ZSCAN1: variants seen among roughly 807,000 people sequenced by gnomAD.
ZSCAN1 encodes the protein zinc finger and SCAN domain-containing protein 1.
ZSCAN1 carries 23 observed loss-of-function variants against 23.8 expected under a neutral mutation model. That is an observed-to-expected ratio of 0.97 (90% CI 0.70 to 1.37). The LOEUF (loss-of-function observed/expected upper bound fraction) is 1.37. ZSCAN1 is among the 40% of genes most tolerant of loss of function. ZSCAN1 has a pLI of 0.00. For missense variants in ZSCAN1, 575 were observed against 554.0 expected (o/e 1.04, Z -0.38); for synonymous variants, 236 against 232.3 (o/e 1.02, Z -0.15).
chr19:58,044,515 A>C, intron 4 of ZSCAN1: 29 of 426,580 alleles, frequency 6.8e-5, no homozygotes, highest in African/African-American at 8.7e-5. Flanking sequence ...CGAGACGGCG[A>C]AGAGCCGCGG....
At chr19:58,036,515 CTTTTTTTTT>C (rs66483587) in intron 2 of ZSCAN1, among the ~76,000 whole-genome samples, 1 of 93,438 alleles carries the variant, frequency 1.1e-5, no homozygotes, top group East Asian at 2.4e-4. Context: ...TTTTTCTTTT[CTTTTTTTTT>C]TTTTTTTTTG....
intron 4 of ZSCAN1, among the ~76,000 whole-genome samples, chr19:58,042,359 G>T (rs1036776700): frequency 6.6e-6 from 1 of 151,586 alleles, no homozygotes; most frequent in African/African-American, 2.4e-5. Context: ...CCGGGTTCAC[G>T]CCATTCTCCT....
At position 58,040,064 on chromosome 19, in the gene ZSCAN1, G is replaced by A. The variant is rs1052342349; in HGVS notation, c.371-386G>A. Among the ~76,000 whole-genome samples, 1 of 152,144 alleles carries A rather than the reference G, an allele frequency of 6.6e-6. No individual in the cohort carries two copies. Among genetic ancestry groups the A allele is most frequent in the African/African-American group, 2.4e-5 (1 of 41,418 alleles). Reference sequence around the variant, plus strand: ...CCCACGTCTTGACCCTTCTGTCAATGGTGTCCTGAACCCTGCTTCAGCAGT... The same window carrying A: ...CCCACGTCTTGACCCTTCTGTCAATAGTGTCCTGAACCCTGCTTCAGCAGT... On this transcript the variant is annotated intron_variant, in intron 3 of 5. Transcript: ENST00000282326. This position sits in a 1 kb window ranked among gnomAD's most constrained non-coding sequence, Gnocchi z 5.8.
intron 4 of ZSCAN1, among the ~76,000 whole-genome samples, chr19:58,050,246 C>G (rs566431570): frequency 6.6e-6 from 1 of 151,962 alleles, no homozygotes; most frequent in African/African-American, 2.4e-5. Context: ...ACCAGGCTGG[C>G]CAGCATGGTG....
At chr19:58,034,729 A>G in intron 1 of ZSCAN1, among the ~76,000 whole-genome samples, 1 of 69,410 alleles carries the variant, frequency 1.4e-5, no homozygotes, top group Non-Finnish European at 2.7e-5. Context: ...GCCGCCCCCG[A>G]CCCATCCCCC....
At chr19:58,048,766 T>G (rs1017450446) in intron 4 of ZSCAN1, among the ~76,000 whole-genome samples, 2 of 152,142 alleles carry the variant, frequency 1.3e-5, no homozygotes, top group Non-Finnish European at 2.9e-5. Flanking sequence ...CCTTTTTACC[T>G]TTTTTTGAGA....
intron 4 of ZSCAN1, among the ~76,000 whole-genome samples, chr19:58,042,233 G>A (rs1173946575): frequency 6.6e-6 from 1 of 151,620 alleles, no homozygotes; most frequent in African/African-American, 2.4e-5. Flanking sequence ...AGATGGGGAG[G>A]AAAGTCTTTG....
chr19:58,040,600 T>C lies in ZSCAN1; in HGVS notation c.465+56T>C. 1 of 1,562,298 alleles carries C rather than the reference T, an allele frequency of 6.4e-7. No individual in the cohort carries two copies. Among genetic ancestry groups the C allele is most frequent in the Non-Finnish European group, 8.8e-7 (1 of 1,135,604 alleles). On this transcript the variant is annotated intron_variant, in intron 4 of 5. Transcript: ENST00000282326. The surrounding 1 kb of genome is among the most constrained non-coding windows in gnomAD (Gnocchi z 5.8). Reference sequence around the variant, plus strand: ...TGCACCCCAGGGCATGCGTGCCGCTTCTGGGACGGCCTCAAGGATGCCCCA... The same window carrying C: ...TGCACCCCAGGGCATGCGTGCCGCTCCTGGGACGGCCTCAAGGATGCCCCA...
chr19:58,035,031 G>A (rs1038006109), intron 1 of ZSCAN1, among the ~76,000 whole-genome samples: 1 of 151,964 alleles, frequency 6.6e-6, no homozygotes, highest in Non-Finnish European at 1.5e-5. Context: ...GGCTCGGGCT[G>A]CAGATCTCAG....
In ZSCAN1 at chr19:58,047,390, C is replaced by G. The variant is rs1203382563; in HGVS notation, c.466-5100C>G. On this transcript the variant is annotated intron_variant, in intron 4 of 5. Transcript: ENST00000282326. This position sits in a 1 kb window ranked among gnomAD's most constrained non-coding sequence, Gnocchi z 4.9. ...CTCACCTGCAGTTTTCCTTGTGTAT[C>G]GGAGCTCTTTCTTAACTTTCTATTT... 6.6e-6 allele frequency among the ~76,000 whole-genome samples: 1 copy of G among 152,148 alleles called. No individual in the cohort carries two copies. The highest frequency in any genetic ancestry group is 6.5e-5 in the Admixed American group (1 of 15,280).
At chr19:58,034,540 CCCTT>C (rs2073719637) in intron 1 of ZSCAN1, among the ~76,000 whole-genome samples, 1 of 151,998 alleles carries the variant, frequency 6.6e-6, no homozygotes, top group Non-Finnish European at 1.5e-5. Flanking sequence ...TCCAAGTTCT[CCCTT>C]CCACACCTGA....
rs1380873545 is a variant in ZSCAN1 at position 58,045,047 on chromosome 19, A to T, written c.465+4503A>T. The T allele has an allele frequency of 1.8e-6, 2 of 1,113,148 alleles. No individual in the cohort carries two copies. The highest frequency in any genetic ancestry group is 3.1e-5 in the African/African-American group (2 of 65,398). The allele number at this position is 1,113,148 out of a possible 1,614,324, so 69.0% of individuals were successfully genotyped here. A position where few individuals can be genotyped will look rare whatever the true frequency, so the allele number is the denominator to read the frequency against. ...GAGATGGTGGTGAAGTCCCGGGGGC[A>T]GAGAGGGTGCTGGGCGAGCTGAGGC... On this transcript the variant is annotated intron_variant, in intron 4 of 5. Coordinates refer to ENST00000282326, the MANE Select transcript of ZSCAN1 (RefSeq NM_182572.4). The surrounding 1 kb of genome is among the most constrained non-coding windows in gnomAD (Gnocchi z 4.3).
At chr19:58,034,441 C>A (rs1254956457) in intron 1 of ZSCAN1, among the ~76,000 whole-genome samples, 2 of 151,934 alleles carry the variant, frequency 1.3e-5, no homozygotes, top group Non-Finnish European at 2.9e-5. Flanking sequence ...TCCGCAGGGA[C>A]CCCGACCCCT....
chr19:58,038,048 C>T lies in ZSCAN1; in HGVS notation c.212C>T (p.Ala71Val), dbSNP rs1245681922. The T allele has an allele frequency of 4.3e-6, 7 of 1,611,670 alleles. No individual in the cohort carries two copies. The highest frequency in any genetic ancestry group is 2.2e-5 in the East Asian group (1 of 44,882). ...TGCCGCCAGTGGCTGAGGCCCGAGG[C>T]GCGCTCCAAGGAGCAGATGCTGGAG... Reference protein sequence around the residue: ...TLCRQWLRPEARSKEQMLELL... With the variant: ...TLCRQWLRPEVRSKEQMLELL... Residue 71 changes from alanine (A) to valine (V), a missense_variant, in exon 3 of 6, where the codon GCG becomes GTG. Coordinates refer to ENST00000282326, the MANE Select transcript of ZSCAN1 (RefSeq NM_182572.4).
intron 4 of ZSCAN1, chr19:58,044,902 C>T (rs2073814765): frequency 2.4e-6 from 2 of 823,968 alleles, no homozygotes; most frequent in Non-Finnish European, 2.1e-6. Context: ...CCTTCCTGCC[C>T]GCGGCTGGCA....
chr19:58,036,436 T>C (rs544021889), intron 2 of ZSCAN1, among the ~76,000 whole-genome samples: 1 of 152,296 alleles, frequency 6.6e-6, no homozygotes, highest in South Asian at 2.1e-4. Flanking sequence ...TTTTTACAAC[T>C]TTTAATGTTT....
intron 4 of ZSCAN1, among the ~76,000 whole-genome samples, chr19:58,043,193 C>G (rs2073801917): frequency 6.6e-6 from 1 of 152,270 alleles, no homozygotes; most frequent in Non-Finnish European, 1.5e-5. Context: ...GTGGGCACGA[C>G]TGGCGATCGC....
At chr19:58,037,562 T>C (rs1026738235) in intron 2 of ZSCAN1, among the ~76,000 whole-genome samples, 166 bp from the exon 3 acceptor site, 1 of 152,160 alleles carries the variant, frequency 6.6e-6, no homozygotes, top group South Asian at 2.1e-4. Flanking sequence ...CAGTGCAAAG[T>C]AGCCTGTGAG....
Position 58,053,243 on chromosome 19 carries a change from C to T in ZSCAN1, c.605-186C>T, listed in dbSNP as rs549702119. 1.3e-4 allele frequency among the ~76,000 whole-genome samples: 20 copies of T among 152,286 alleles called. No individual in the cohort carries two copies. Among genetic ancestry groups the T allele is most frequent in the African/African-American group, 4.6e-4 (19 of 41,566 alleles). Reference sequence around the variant, plus strand: ...AAGTGCTGGGATTACAGGCATGAGCCACTGCACCGGCCACATGTGCCCTTG... The same window carrying T: ...AAGTGCTGGGATTACAGGCATGAGCTACTGCACCGGCCACATGTGCCCTTG... On this transcript the variant is annotated intron_variant, in intron 5 of 5. Transcript: ENST00000282326. The surrounding 1 kb of genome is among the most constrained non-coding windows in gnomAD (Gnocchi z 5.8).
Sources: gnomAD v4.1 joint callset for allele counts (sites outside exome capture counted in the v4.1 genomes callset) on GRCh38, gnomAD v4.1.1 for gene constraint, Gnocchi (gnomAD v3.1) non-coding constraint, MANE v1.5 for transcripts, NCBI Gene and HGNC (gene_info 2026-07-23, HGNC 2026-07-21) for gene names.